Variants in ATP8A2 observed in about 807,000 individuals in gnomAD.
The protein encoded by ATP8A2 is ATPase phospholipid transporting 8A2, also known as phospholipid-transporting ATPase IB.
Under a neutral mutation model 165.6 loss-of-function variants are expected in ATP8A2, and 100 were observed. The ratio of observed to expected loss-of-function variants is 0.60; its 90% CI spans 0.51 to 0.71. The LOEUF is 0.71. Ranked by LOEUF, ATP8A2 falls within the 30% of genes least tolerant of loss-of-function variation. ATP8A2 has a pLI of 0.00. For missense variants in ATP8A2, 1,227 were observed against 1,479.5 expected (o/e 0.83, Z 2.80); for synonymous variants, 543 against 548.8 (o/e 0.99, Z 0.15).
At chr13:25,656,477 T>C (rs2041929973) in intron 24 of ATP8A2, among the ~76,000 whole-genome samples, 2 of 151,986 alleles carry the variant, frequency 1.3e-5, no homozygotes, top group Non-Finnish European at 2.9e-5. Flanking sequence ...AGTTTGACCA[T>C]GTTGGCCAGG....
rs558055347 is a variant in ATP8A2, at chr13:25,794,928, G to A, written c.2679+19969G>A. 1.3e-4 allele frequency among the ~76,000 whole-genome samples: 19 copies of A among 150,526 alleles called. 1 individual carries two copies. The South Asian group carries it at 3.2e-3, about 25-fold the overall frequency. On this transcript the variant is annotated intron_variant, in intron 27 of 36. Transcript: ENST00000381655. ...TGTAATCATTTTTATGGGATTTATA[G>A]GATGTCCAGCTCATGCACAAGTGTC...
rs538419154 is a variant in ATP8A2 at position 25,985,235 on chromosome 13, A to G, written c.3377+16556A>G. ...TGGAAAAGAGAATAGAACTAAAATT[A>G]CTATTATCAACTACATCCAAAAAGC... is the stretch of plus-strand genomic sequence containing the variant. On this transcript the variant is annotated intron_variant, in intron 35 of 36. Transcript: ENST00000381655. Among the ~76,000 whole-genome samples the G allele has an allele frequency of 5.9e-5, 9 of 152,340 alleles. 1 individual carries two copies. Among genetic ancestry groups the G allele is most frequent in the African/African-American group, 1.7e-4 (7 of 41,568 alleles).
At chr13:25,427,052 G>A (rs1479663335) in intron 1 of ATP8A2, among the ~76,000 whole-genome samples, 1 of 152,166 alleles carries the variant, frequency 6.6e-6, no homozygotes, top group Non-Finnish European at 1.5e-5. Context: ...AGCCAGAGGG[G>A]GTGTGAGAGA....
At chr13:25,863,618 A>G (rs1056939045) in intron 33 of ATP8A2, 6 of 151,992 alleles carry the variant, frequency 3.9e-5, no homozygotes, top group African/African-American at 1.2e-4. Context: ...TGCTTTACTT[A>G]CTCTGTAGAA....
At position 25,579,895 on chromosome 13, in the gene ATP8A2, T is replaced by C; in HGVS notation, c.1955T>C (p.Ile652Thr). 2.5e-6 allele frequency: 4 copies of C among 1,614,036 alleles called. No individual in the cohort carries two copies. The highest frequency in any genetic ancestry group is 3.4e-6 in the Non-Finnish European group (4 of 1,179,990). Residue 652 changes from isoleucine to threonine, a missense_variant, in exon 22 of 37, where the codon ATA becomes ACA. Around this residue, in one of 5 missense-constraint regions of ATP8A2, gnomAD observed 592 missense variants for 785.6 expected, o/e 0.75. Coordinates refer to ENST00000381655, the MANE Select transcript of ATP8A2 (RefSeq NM_016529.6). ...WLKVYQEASTILKDRAQRLEE... is the reference protein window; with the variant it reads ...WLKVYQEASTTLKDRAQRLEE... ...AAAGTCTATCAGGAAGCCAGCACCA[T>C]ATTGAAGGACAGAGCTCAACGGTTG...
intron 24 of ATP8A2, 133 bp downstream of exon 24, chr13:25,589,832 A>T: frequency 1.8e-6 from 1 of 561,206 alleles, no homozygotes; most frequent in South Asian, 2.7e-5. Flanking sequence ...TTTTCTGTTT[A>T]TATTTATATT....
At chr13:25,738,544 A>C (rs2043836780) in intron 25 of ATP8A2, among the ~76,000 whole-genome samples, 2 of 152,226 alleles carry the variant, frequency 1.3e-5, no homozygotes, top group South Asian at 4.1e-4. Flanking sequence ...CACAGGAAGC[A>C]GAGAGGGATT....
chr13:25,426,517 C>T (rs7987905), intron 1 of ATP8A2, among the ~76,000 whole-genome samples: 3,346 of 152,156 alleles, frequency 0.022, 127 homozygotes, highest in African/African-American at 0.075. Flanking sequence ...ATATGAAGCA[C>T]GGAGGATTTT....
intron 24 of ATP8A2, among the ~76,000 whole-genome samples, chr13:25,666,559 G>A (rs565630889): frequency 6.6e-6 from 1 of 152,248 alleles, no homozygotes; most frequent in South Asian, 2.1e-4. Flanking sequence ...GTTTTTAAAT[G>A]AATGATTCCA....
intron 24 of ATP8A2, among the ~76,000 whole-genome samples, chr13:25,674,067 G>A (rs1240415980): frequency 1.3e-5 from 2 of 152,174 alleles, no homozygotes; most frequent in South Asian, 2.1e-4. Flanking sequence ...TGCCATAAAC[G>A]GAGACTTCGG....
At position 25,928,411 on chromosome 13, in the gene ATP8A2, G is replaced by C. The variant is rs144162051; in HGVS notation, c.3184-33164G>C. Among the ~76,000 whole-genome samples, 44 of 152,200 alleles carry C rather than the reference G, an allele frequency of 2.9e-4. No individual in the cohort carries two copies. The East Asian group carries it at 5.2e-3, about 18-fold the overall frequency. On this transcript the variant is annotated intron_variant, in intron 33 of 36. Coordinates refer to ENST00000381655, the MANE Select transcript of ATP8A2 (RefSeq NM_016529.6). ...TAGTCCTCTCTCCTTCATTTACATTGAGCCTGTATTGATTTTCATCCTCTC... is the reference window on the plus strand; with the variant it reads ...TAGTCCTCTCTCCTTCATTTACATTCAGCCTGTATTGATTTTCATCCTCTC...
In ATP8A2 at chr13:25,431,344, TCTC is replaced by T. The variant is rs1255151236; in HGVS notation, c.77-37631_77-37629del. 2.0e-5 allele frequency among the ~76,000 whole-genome samples: 3 copies of T among 152,064 alleles called. No individual in the cohort carries two copies. The East Asian group carries it at 5.8e-4, about 29-fold the overall frequency. ...TATATTTTTTAGTAGAGACGGGGTT[TCTC>T]CATGTTGGTCAGGCTGGTCTCGAAC... On this transcript the variant is annotated intron_variant, in intron 1 of 36. Transcript: ENST00000381655.
intron 6 of ATP8A2, among the ~76,000 whole-genome samples, chr13:25,535,324 C>A (rs557553754): frequency 6.6e-6 from 1 of 152,194 alleles, no homozygotes; most frequent in East Asian, 1.9e-4. Context: ...CGGGTGAGCG[C>A]CAAGAGGCAG....
intron 13 of ATP8A2, among the ~76,000 whole-genome samples, chr13:25,557,977 C>T (rs780200701): frequency 2.0e-5 from 3 of 151,928 alleles, no homozygotes; most frequent in Admixed American, 6.6e-5. Flanking sequence ...GATCTCGGCT[C>T]ACTGCAACCT....
intron 31 of ATP8A2, 27 bp from the exon 32 acceptor site, chr13:25,860,777 T>A: frequency 6.4e-7 from 1 of 1,558,670 alleles, no homozygotes; most frequent in Non-Finnish European, 8.8e-7. Flanking sequence ...GAATAATGTG[T>A]TTCCAAACTG....
intron 24 of ATP8A2, among the ~76,000 whole-genome samples, chr13:25,644,932 AGTCGTATTTTGG>A (rs1359636463): frequency 6.6e-6 from 1 of 151,572 alleles, no homozygotes; most frequent in African/African-American, 2.4e-5. Context: ...ATTTATTTTG[AGTCGTATTTTGG>A]GTTATCTCTC....
intron 24 of ATP8A2, among the ~76,000 whole-genome samples, chr13:25,614,776 T>G (rs1438136295): frequency 2.0e-5 from 3 of 152,292 alleles, no homozygotes; most frequent in South Asian, 2.1e-4. Flanking sequence ...ATTTCTCTTC[T>G]GGATCTAGCC....
intron 1 of ATP8A2, among the ~76,000 whole-genome samples, chr13:25,438,859 T>C (rs940148408): frequency 7.2e-5 from 11 of 152,088 alleles, no homozygotes; most frequent in Admixed American, 6.5e-5. Flanking sequence ...TGACACGGTG[T>C]GTCATAAATG....
chr13:25,945,535 G>C (rs987226353), intron 33 of ATP8A2, among the ~76,000 whole-genome samples: 1 of 152,132 alleles, frequency 6.6e-6, no homozygotes, highest in African/African-American at 2.4e-5. Context: ...ATTAATTCAA[G>C]TCTTTTCTCC....
Sources: gnomAD v4.1 joint callset for allele counts (sites outside exome capture counted in the v4.1 genomes callset) on GRCh38, gnomAD v4.1.1 for gene constraint, gnomAD v4.1.1 regional missense constraint, MANE v1.5 for transcripts, NCBI Gene and HGNC (gene_info 2026-07-23, HGNC 2026-07-21) for gene names.